The following OBSL1 variants were observed in gnomAD, a reference collection of about 807,000 sequenced individuals.
OBSL1 encodes obscurin like cytoskeletal adaptor 1.
OBSL1 carries 160 observed loss-of-function variants against 172.0 expected under a neutral mutation model. That is an observed-to-expected ratio of 0.93 (90% CI 0.82 to 1.06). OBSL1 has a LOEUF of 1.06. Among genes scored for constraint, OBSL1 ranks in the 50% least tolerant of loss-of-function variants. OBSL1 has a pLI of 0.00. For synonymous variants in OBSL1, 1,200 were observed against 1,196.3 expected, an observed-to-expected ratio of 1.00 and a Z score of -0.06; for missense variants, 2,681 against 2,715.4, an observed-to-expected ratio of 0.99 and a Z score of 0.28.
chr2:219,559,012 G>C (rs1696254999), intron 9 of OBSL1: 1 of 557,642 alleles, frequency 1.8e-6, no homozygotes, highest in Non-Finnish European at 3.2e-6. Context: ...TGAACGAATG[G>C]ATGAATGAAC....
rs1559131516 is a variant in OBSL1 at position 219,551,770 on chromosome 2, G to GT, written c.5441_5442insA (p.Arg1816SerfsTer38). 4 of 1,592,246 alleles carry GT rather than the reference G, an allele frequency of 2.5e-6. No homozygotes were observed. The highest frequency in any genetic ancestry group is 1.7e-5 in the Admixed American group (1 of 59,568). On this transcript the variant is annotated frameshift_variant, in exon 20 of 21. Transcript: ENST00000404537. LOFTEE classifies it high-confidence loss of function. ...CCACCAGAACGGTCTTCTCGCGAGGGGGGTGGCGGCACATCTGGAGAGGCA... is the reference window on the plus strand; with the variant it reads ...CCACCAGAACGGTCTTCTCGCGAGGGTGGGTGGCGGCACATCTGGAGAGGCA...
Position 219,551,746 on chromosome 2 carries a change from C to G in OBSL1, c.5466G>C (p.Val1822=). The G allele has an allele frequency of 6.2e-7, 1 of 1,600,286 alleles. No homozygotes were observed. Among genetic ancestry groups the G allele is most frequent in the Non-Finnish European group, 8.5e-7 (1 of 1,171,754 alleles). The change falls in exon 20 of 21, where the codon GTG becomes GTC. Residue 1822 remains valine, a synonymous_variant. Coordinates refer to ENST00000404537, the MANE Select transcript of OBSL1 (RefSeq NM_015311.3). The part of the protein sequence containing the change: ...RHPPREKTVL[V]GRRAVLEVTV... ...TCACCTCCAGCACCGCCCGGCGGCC[C>G]ACCAGAACGGTCTTCTCGCGAGGGG...
chr2:219,565,970 C>T (rs1378591594), intron 5 of OBSL1, among the ~76,000 whole-genome samples: 1 of 152,188 alleles, frequency 6.6e-6, no homozygotes, highest in African/African-American at 2.4e-5. Context: ...CTTTGAGCGC[C>T]CCACCTCCAG....
In OBSL1 at chr2:219,567,847, G is replaced by A; in HGVS notation, c.1405C>T (p.Pro469Ser). The change falls in exon 3 of 21, where the codon CCG becomes TCG. Residue 469 changes from proline to serine, a missense_variant. Physicochemically the swap from Pro to Ser is moderately conservative, Grantham distance 74 (BLOSUM62 -1). Around this residue, in one of 5 missense-constraint regions of OBSL1, gnomAD observed 706 missense variants for 695.8 expected, o/e 1.01. Transcript: ENST00000404537. The part of the protein sequence containing the change: ...GRWSRDGEEL[P>S]VICQSSSGHM... ...CCTGAGCTGCTCTGGCAGATGACCGGCAGCTCCTCCCCATCACGGCTCCAG... is the reference window on the plus strand; with the variant it reads ...CCTGAGCTGCTCTGGCAGATGACCGACAGCTCCTCCCCATCACGGCTCCAG... 1.2e-6 allele frequency: 2 copies of A among 1,613,954 alleles called. No homozygotes were observed. Among genetic ancestry groups the A allele is most frequent in the Non-Finnish European group, 1.7e-6 (2 of 1,179,896 alleles).
At chr2:219,562,319 G>T in intron 8 of OBSL1, 83 bp downstream of exon 8, 1 of 1,518,452 alleles carries the variant, frequency 6.6e-7, no homozygotes, top group South Asian at 1.2e-5. Context: ...TCCTCCCCGG[G>T]GTGCTAGCTG....
chr2:219,549,152 TG>T, downstream of OBSL1: 2 of 1,613,762 alleles, frequency 1.2e-6, no homozygotes, highest in Non-Finnish European at 1.7e-6. Flanking sequence ...CCCACCACAG[TG>T]GTCATCAGCC....
In OBSL1 at chr2:219,567,435, C is replaced by T. The variant is rs1180531262; in HGVS notation, c.1675G>A (p.Gly559Ser). 2.5e-6 allele frequency: 4 copies of T among 1,612,884 alleles called. No homozygotes were observed. In the African/African-American group the frequency reaches 4.0e-5, roughly 16 times the overall value. ...AAGCACTGAATCCAGTCTTCAGAGC[C>T]CACTTCCTGCCGCTCCAGCCGGTAG... ...FIYRLERQEVGSEDWIQCFSI... is the reference protein window; with the variant it reads ...FIYRLERQEVSSEDWIQCFSI... Residue 559 changes from glycine to serine, a missense_variant, in exon 4 of 21, where the codon GGC (glycine) becomes AGC (serine). Around this residue, in one of 5 missense-constraint regions of OBSL1, gnomAD observed 706 missense variants for 695.8 expected, o/e 1.01. Transcript: ENST00000404537.
chr2:219,564,018 G>C (rs764235447), intron 6 of OBSL1, among the ~76,000 whole-genome samples: 1 of 152,200 alleles, frequency 6.6e-6, no homozygotes, highest in Non-Finnish European at 1.5e-5. Flanking sequence ...AGGAGGTGAA[G>C]GATGATCCAA....
At position 219,552,978 on chromosome 2, in the gene OBSL1, A is replaced by C; in HGVS notation, c.5036T>G (p.Leu1679Arg). ...CAGCTGGAGAAGGCGGCGCGTGCCG[A>C]GGGCCTGGAGCCGGAGCCGCGGGCT... is the stretch of plus-strand genomic sequence containing the variant. ...TPSPRLRLQA[L>R]GTRRLLQLRR... The change falls in exon 17 of 21, where the codon CTC (leucine) becomes CGC (arginine). Residue 1679 changes from leucine to arginine, a missense_variant. Transcript: ENST00000404537. 2 of 1,530,672 alleles carry C rather than the reference A, an allele frequency of 1.3e-6. No homozygotes were observed. Among genetic ancestry groups the C allele is most frequent in the Non-Finnish European group, 1.7e-6 (2 of 1,143,020 alleles). 94.8% of individuals were successfully genotyped at this position (1,530,672 alleles called of 1,614,324 possible).
At position 219,556,227 on chromosome 2, in the gene OBSL1, G is replaced by C. The variant is rs749919613; in HGVS notation, c.4402C>G (p.Leu1468Val). 1.2e-6 allele frequency: 2 copies of C among 1,608,700 alleles called. No homozygotes were observed. The highest frequency in any genetic ancestry group is 3.4e-5 in the Admixed American group (2 of 59,690). Residue 1468 changes from leucine to valine, a missense_variant, in exon 14 of 21, where the codon CTC becomes GTC. Leu to Val is a conservative substitution (Grantham distance 32). Transcript: ENST00000404537. Reference sequence around the variant, plus strand: ...CCCACTCGGCCTGTCTCCACTTCGAGACACACATCCTGGCCTTCCTCTGCC... The same window carrying C: ...CCCACTCGGCCTGTCTCCACTTCGACACACACATCCTGGCCTTCCTCTGCC... ...VRAEEGQDVC[L>V]EVETGRVGAA...
downstream of OBSL1, chr2:219,549,047 G>T: frequency 7.7e-7 from 1 of 1,295,858 alleles, no homozygotes; most frequent in Non-Finnish European, 1.1e-6. Flanking sequence ...TTATGGACAA[G>T]AGGAATCTGG....
At chr2:219,548,927 G>A (rs527586588), downstream of OBSL1, 3 of 559,856 alleles carry the variant, frequency 5.4e-6, no homozygotes, top group African/African-American at 3.8e-5. Context: ...GGGGTACCTG[G>A]AAGCCTAGCA....
In OBSL1 at chr2:219,551,695, C is replaced by T; in HGVS notation, c.5517G>A (p.Val1839=). 6.2e-7 allele frequency: 1 copy of T among 1,611,182 alleles called. No homozygotes were observed. The highest frequency in any genetic ancestry group is 8.5e-7 in the Non-Finnish European group (1 of 1,179,286). ...EVTVSRSGGH[V]CWLREGAELC... Reference sequence around the variant, plus strand: ...GCTCGGCCCCCTCCCGCAGCCAGCACACGTGGCCCCCCGAGCGGGACACAG... The same window carrying T: ...GCTCGGCCCCCTCCCGCAGCCAGCATACGTGGCCCCCCGAGCGGGACACAG... The change falls in exon 20 of 21, where the codon GTG becomes GTA. Residue 1839 remains valine (V), a synonymous_variant. Coordinates refer to ENST00000404537, the MANE Select transcript of OBSL1 (RefSeq NM_015311.3).
intron 7 of OBSL1, chr2:219,563,134 G>A (rs996457088): frequency 5.6e-6 from 3 of 539,892 alleles, no homozygotes; most frequent in African/African-American, 3.8e-5. Flanking sequence ...CAGGAGAATA[G>A]AGAAAGCCAG....
At chr2:219,569,346 C>G (rs1271836778) in intron 1 of OBSL1, 1 of 152,194 alleles carries the variant, frequency 6.6e-6, no homozygotes, top group South Asian at 2.1e-4. Context: ...GGAGAATTTA[C>G]CAACTTTTTT....
downstream of OBSL1, among the ~76,000 whole-genome samples, chr2:219,548,276 G>A (rs1040459569): frequency 6.6e-6 from 1 of 152,306 alleles, no homozygotes; most frequent in South Asian, 2.1e-4. Context: ...TGCTGGCTCC[G>A]CACCAACCCC....
chr2:219,554,109 C>T (rs1446122292), intron 15 of OBSL1: 1 of 403,590 alleles, frequency 2.5e-6, no homozygotes, highest in African/African-American at 2.0e-5. Context: ...ACGGGGCCCA[C>T]ACTTAGGCGG....
chr2:219,552,629 C>G lies in OBSL1; in HGVS notation c.5215G>C (p.Glu1739Gln), dbSNP rs1159857004. 7 of 1,563,012 alleles carry G rather than the reference C, an allele frequency of 4.5e-6. No individual in the cohort carries two copies. The highest frequency in any genetic ancestry group is 5.2e-6 in the Non-Finnish European group (6 of 1,159,970). Residue 1739 changes from glutamate to glutamine, a missense_variant, in exon 18 of 21, where the codon GAG (glutamate) becomes CAG (glutamine). By Grantham distance (29) the Glu-to-Gln change is conservative. Coordinates refer to ENST00000404537, the MANE Select transcript of OBSL1 (RefSeq NM_015311.3). ...SAREGDGATF[E>Q]CTVSEVETTG... is the part of the protein sequence containing the mutation. The stretch of plus-strand genomic sequence containing the variant: ...GTCTCGACCTCCGACACGGTGCACT[C>G]GAACGTAGCGCCGTCGCCTTCGCGG...
At chr2:219,552,354 G>GCGGGAAGCCTAGAGGTC (rs1347824164) in intron 18 of OBSL1, 138 bp from the exon 19 acceptor site, 12 of 923,954 alleles carry the variant, frequency 1.3e-5, no homozygotes, top group Non-Finnish European at 1.5e-5. Context: ...GGGATGCGGA[G>GCGGGAAGCCTAGAGGTC]CGGGAAGCCT....
Sources: gnomAD v4.1 joint callset for allele counts (sites outside exome capture counted in the v4.1 genomes callset) on GRCh38, gnomAD v4.1.1 for gene constraint, gnomAD v4.1.1 regional missense constraint, MANE v1.5 for transcripts, NCBI Gene and HGNC (gene_info 2026-07-23, HGNC 2026-07-21) for gene names.